The following ZNF536 variants were observed in gnomAD, a reference collection of about 807,000 sequenced individuals.
The protein encoded by ZNF536 is zinc finger protein 536.
In ZNF536, 13 loss-of-function variants were observed where a neutral mutation model predicts 84.5. The observed-to-expected ratio is 0.15, with a 90% CI of 0.10 to 0.24. The LOEUF (loss-of-function observed/expected upper bound fraction) is 0.24. Ranked by LOEUF, ZNF536 falls within the 10% of genes least tolerant of loss-of-function variation. The pLI is 1.00. For missense variants in ZNF536, 1,536 were observed against 1,747.5 expected, an observed-to-expected ratio of 0.88 and a Z score of 2.16; for synonymous variants, 811 against 742.5, an observed-to-expected ratio of 1.09 and a Z score of -1.50.
At chr19:30,686,642 C>G (rs1407919170) in intron 1 of ZNF536, among the ~76,000 whole-genome samples, 1 of 152,170 alleles carries the variant, frequency 6.6e-6, no homozygotes, top group African/African-American at 2.4e-5. Flanking sequence ...GGGGAAGGAG[C>G]CCGCCGGCTC....
chr19:30,269,508 C>T (rs1420403756), intron 1 of ZNF536, among the ~76,000 whole-genome samples: 3 of 152,074 alleles, frequency 2.0e-5, no homozygotes, highest in Non-Finnish European at 4.4e-5. Flanking sequence ...ACAAGTGATT[C>T]CTAAATATAG....
At chr19:30,268,839 C>T (rs552318727) in intron 1 of ZNF536, among the ~76,000 whole-genome samples, 34 of 152,302 alleles carry the variant, frequency 2.2e-4, no homozygotes, top group Admixed American at 3.9e-4. Flanking sequence ...TCCCCAATCT[C>T]GCTGGCCTTA....
chr19:30,353,138 A>G (rs1326779601), intron 3 of ZNF536, among the ~76,000 whole-genome samples: 1 of 152,228 alleles, frequency 6.6e-6, no homozygotes. Flanking sequence ...AAAAGCCTCT[A>G]TCAATTAGGC....
At chr19:30,543,065 C>A (rs1248503684) in intron 3 of ZNF536, among the ~76,000 whole-genome samples, 3 of 152,190 alleles carry the variant, frequency 2.0e-5, no homozygotes, top group African/African-American at 7.2e-5. Context: ...TCCTGCCTGG[C>A]CTCCCAAAGT....
intron 1 of ZNF536, among the ~76,000 whole-genome samples, chr19:30,246,542 A>G (rs1165954856): frequency 1.3e-5 from 2 of 152,160 alleles, no homozygotes; most frequent in South Asian, 2.1e-4. Flanking sequence ...TTCTTCCCAT[A>G]GTGTGCCACT....
At chr19:30,478,515 G>A (rs1206741019) in intron 2 of ZNF536, among the ~76,000 whole-genome samples, 1 of 152,134 alleles carries the variant, frequency 6.6e-6, no homozygotes, top group Non-Finnish European at 1.5e-5. Flanking sequence ...CTGAGTCTCA[G>A]CTCTGTACAC....
intron 1 of ZNF536, among the ~76,000 whole-genome samples, chr19:30,442,687 A>T (rs763070158): frequency 6.6e-6 from 1 of 152,202 alleles, no homozygotes; most frequent in African/African-American, 2.4e-5. Context: ...ACTTCTTTTG[A>T]TGGGCACAGT....
At chr19:30,360,531 C>G (rs1049904085) in intron 3 of ZNF536, among the ~76,000 whole-genome samples, 4 of 152,224 alleles carry the variant, frequency 2.6e-5, no homozygotes, top group African/African-American at 9.6e-5. Context: ...TTCCCACAGG[C>G]CACAGAGATG....
rs1568305284 is a variant in ZNF536 at position 30,286,548 on chromosome 19, A to AGAGAGAGAG, written c.-120+2407_-120+2408insGAGAGAGAG. Among the ~76,000 whole-genome samples, 80 of 92,618 alleles carry AGAGAGAGAG rather than the reference A, an allele frequency of 8.6e-4. 1 individual carries two copies. The highest frequency in any genetic ancestry group is 3.7e-3 in the African/African-American group (79 of 21,566). The allele number at this position is 92,618 out of a possible 152,430, so 60.8% of individuals were successfully genotyped here. A position where few individuals can be genotyped will look rare whatever the true frequency, so the allele number is the denominator to read the frequency against. ...ACAGAGACAGAGAGAGAGAGAGAGA[A>AGAGAGAGAG]AGAGAGAGACCGAGAGAGACAGAAA... On this transcript the variant is annotated intron_variant, in intron 2 of 5. Coordinates refer to the ZNF536 transcript ENST00000585628.
At chr19:30,488,111 T>C (rs1419794735) in intron 2 of ZNF536, among the ~76,000 whole-genome samples, 1 of 152,228 alleles carries the variant, frequency 6.6e-6, no homozygotes, top group Non-Finnish European at 1.5e-5. Flanking sequence ...CCCTGTTCAA[T>C]TCTTCTTCAT....
intron 1 of ZNF536, among the ~76,000 whole-genome samples, chr19:30,653,329 T>C (rs899246387): frequency 5.3e-5 from 8 of 152,108 alleles, no homozygotes; most frequent in African/African-American, 1.9e-4. Flanking sequence ...GTCTTCTCAC[T>C]GCACATCTGC....
At chr19:30,681,486 T>G (rs535028860) in intron 1 of ZNF536, among the ~76,000 whole-genome samples, 1 of 152,250 alleles carries the variant, frequency 6.6e-6, no homozygotes, top group East Asian at 1.9e-4. Flanking sequence ...AAAGTGCAGC[T>G]TAAGAGCTCT....
intron 2 of ZNF536, among the ~76,000 whole-genome samples, chr19:30,527,403 G>A (rs1352214774): frequency 5.3e-5 from 8 of 151,768 alleles, no homozygotes; most frequent in Admixed American, 5.3e-4. Flanking sequence ...GTGTCCCAGG[G>A]CTCACCAGTG....
At chr19:30,526,942 G>A (rs1313455039) in intron 2 of ZNF536, among the ~76,000 whole-genome samples, 2 of 151,492 alleles carry the variant, frequency 1.3e-5, no homozygotes, top group Non-Finnish European at 2.9e-5. Context: ...TTTTTGAGAC[G>A]GATTTTCACT....
chr19:30,352,193 C>T (rs927910993), intron 2 of ZNF536, among the ~76,000 whole-genome samples: 2 of 152,210 alleles, frequency 1.3e-5, no homozygotes, highest in African/African-American at 4.8e-5. Flanking sequence ...TTCTTGTCTA[C>T]AGCACGTCAC....
At chr19:30,612,479 T>C (rs550880175) in intron 1 of ZNF536, among the ~76,000 whole-genome samples, 10 of 152,194 alleles carry the variant, frequency 6.6e-5, no homozygotes, top group African/African-American at 2.4e-4. Flanking sequence ...GGAGATACCA[T>C]GGAGAGAGGA....
rs544075550 is a variant in ZNF536, at chr19:30,640,472, A to G, written c.170-70285A>G. Among the ~76,000 whole-genome samples, 6 of 152,262 alleles carry G rather than the reference A, an allele frequency of 3.9e-5. No individual in the cohort carries two copies. In the East Asian group the frequency reaches 1.2e-3, roughly 29 times the overall value. ...CCTTTGAGAGAAAACTTATTTCTTT[A>G]CTTCTGACTCAGCACACCAAAATCT... is the stretch of plus-strand genomic sequence containing the variant. On this transcript the variant is annotated intron_variant, in intron 1 of 1. Transcript: ENST00000592773.
chr19:30,288,586 C>G (rs9304801), intron 2 of ZNF536, among the ~76,000 whole-genome samples: 2 of 152,084 alleles, frequency 1.3e-5, no homozygotes, highest in African/African-American at 4.8e-5. Context: ...AATGACCTCT[C>G]TGTCTGACAA....
At chr19:30,590,065 G>C (rs2047223148) in intron 1 of ZNF536, among the ~76,000 whole-genome samples, 1 of 152,174 alleles carries the variant, frequency 6.6e-6, no homozygotes, top group Non-Finnish European at 1.5e-5. Flanking sequence ...GACTCACAAA[G>C]TGTGATGGCT....
Sources: gnomAD v4.1 joint callset for allele counts (sites outside exome capture counted in the v4.1 genomes callset) on GRCh38, gnomAD v4.1.1 for gene constraint, MANE v1.5 for transcripts, NCBI Gene and HGNC (gene_info 2026-07-23, HGNC 2026-07-21) for gene names.